NAV1: variants seen among roughly 807,000 people sequenced by gnomAD.
NAV1 encodes the protein pore membrane and/or filament interacting like protein 3.
A neutral mutation model predicts 175.2 loss-of-function variants in NAV1; 18 were observed. That is an observed-to-expected ratio of 0.10 (90% CI 0.07 to 0.15). The LOEUF (loss-of-function observed/expected upper bound fraction) is 0.15, where lower values mean the gene tolerates loss of function less well. Among genes scored for constraint, NAV1 ranks in the 10% least tolerant of loss-of-function variants. The pLI is 1.00. For missense variants in NAV1, 1,731 were observed against 2,436.6 expected, an observed-to-expected ratio of 0.71 and a Z score of 6.10; for synonymous variants, 897 against 978.7, an observed-to-expected ratio of 0.92 and a Z score of 1.56.
intron 1 of NAV1, among the ~76,000 whole-genome samples, chr1:201,664,193 T>C (rs1316084373): frequency 1.3e-5 from 2 of 152,024 alleles, no homozygotes; most frequent in Non-Finnish European, 2.9e-5. Context: ...ATACAAAAAT[T>C]TGCTGGGCGT....
chr1:201,767,405 T>A (rs1329045925), intron 3 of NAV1, among the ~76,000 whole-genome samples: 1 of 151,820 alleles, frequency 6.6e-6, no homozygotes, highest in Non-Finnish European at 1.5e-5. Context: ...GAGCCGAGAT[T>A]GCGCCATTGC....
At chr1:201,622,851 A>C (rs887251313), upstream of NAV1, 3 of 985,842 alleles carry the variant, frequency 3.0e-6, no homozygotes, top group African/African-American at 3.5e-5. Flanking sequence ...CTCTCCCTGC[A>C]GGACAGTAGC....
chr1:201,739,713 G>T, intron 3 of NAV1: 1 of 1,062,150 alleles, frequency 9.4e-7, no homozygotes, highest in Non-Finnish European at 1.2e-6. Context: ...CGGAACGGAG[G>T]AGGCTTCGGT....
chr1:201,714,038 G>A (rs574827941), intron 2 of NAV1, among the ~76,000 whole-genome samples: 144 of 152,292 alleles, frequency 9.5e-4, no homozygotes, highest in Non-Finnish European at 1.5e-3. Context: ...AGCCTCCCGA[G>A]TAGCTGGGAT....
chr1:201,653,981 CCCA>C (rs1334825020), intron 1 of NAV1, among the ~76,000 whole-genome samples: 3 of 152,218 alleles, frequency 2.0e-5, no homozygotes, highest in Non-Finnish European at 4.4e-5. Flanking sequence ...GGCTTGGGCC[CCCA>C]CCCAGGTCAT....
At chr1:201,642,645 C>T (rs1234779140) in intron 2 of NAV1, among the ~76,000 whole-genome samples, 1 of 146,656 alleles carries the variant, frequency 6.8e-6, no homozygotes, top group Non-Finnish European at 1.5e-5. Context: ...CTTCCTTCCT[C>T]CCTCGCTCCT....
chr1:201,576,472 G>A (rs2102183693), intron 1 of NAV1, among the ~76,000 whole-genome samples: 1 of 152,268 alleles, frequency 6.6e-6, no homozygotes, highest in South Asian at 2.1e-4. Context: ...TGGGGATGGT[G>A]GCATGTGCCT....
At chr1:201,617,794 G>T (rs952955673) in intron 2 of NAV1, among the ~76,000 whole-genome samples, 1 of 152,210 alleles carries the variant, frequency 6.6e-6, no homozygotes, top group Non-Finnish European at 1.5e-5. Flanking sequence ...TCCAGGAGAT[G>T]AGGGCCATTG....
At chr1:201,560,810 G>A (rs1377825190) in intron 1 of NAV1, among the ~76,000 whole-genome samples, 2 of 152,180 alleles carry the variant, frequency 1.3e-5, no homozygotes, top group Non-Finnish European at 2.9e-5. Context: ...GGGATCTGTG[G>A]ATCCTTGCCA....
chr1:201,616,855 C>T (rs1668017895), intron 2 of NAV1, among the ~76,000 whole-genome samples: 1 of 152,168 alleles, frequency 6.6e-6, no homozygotes. Context: ...TGTGTTTCTT[C>T]CCCACCAGAT....
At chr1:201,547,285 G>A (rs532786024) in intron 1 of NAV1, among the ~76,000 whole-genome samples, 2 of 152,150 alleles carry the variant, frequency 1.3e-5, no homozygotes, top group African/African-American at 2.4e-5. Context: ...CACCGCACCC[G>A]GCCAAACAAG....
intron 3 of NAV1, among the ~76,000 whole-genome samples, chr1:201,732,362 A>G (rs776141148): frequency 1.3e-5 from 2 of 152,106 alleles, no homozygotes; most frequent in African/African-American, 2.4e-5. Flanking sequence ...TAATTTTGGT[A>G]GAGGCAGGGT....
chr1:201,819,631 T>TG (rs1679273006), intron 29 of NAV1, among the ~76,000 whole-genome samples: 1 of 152,116 alleles, frequency 6.6e-6, no homozygotes, highest in Non-Finnish European at 1.5e-5. Context: ...CCACCACGCC[T>TG]GGCCAGTTTT....
intron 5 of NAV1, 149 bp downstream of exon 9, chr1:201,781,458 T>C (rs576323524): frequency 1.3e-5 from 10 of 778,398 alleles, no homozygotes; most frequent in Non-Finnish European, 1.9e-5. Context: ...GACAGTCCCG[T>C]GAGTTAGGAA....
At chr1:201,697,094 G>A (rs1217518595) in intron 1 of NAV1, among the ~76,000 whole-genome samples, 2 of 152,134 alleles carry the variant, frequency 1.3e-5, no homozygotes, top group Non-Finnish European at 2.9e-5. Flanking sequence ...CTCCCTTAAA[G>A]CTAACCTAGC....
intron 2 of NAV1, among the ~76,000 whole-genome samples, 115 bp downstream of exon 2, chr1:201,588,764 G>A (rs963133711): frequency 6.6e-6 from 1 of 152,140 alleles, no homozygotes; most frequent in African/African-American, 2.4e-5. Context: ...TGTTGATGGT[G>A]AAAATGTTTT....
chr1:201,645,338 G>A (rs866392704), upstream of NAV1, among the ~76,000 whole-genome samples: 75 of 146,326 alleles, frequency 5.1e-4, no homozygotes, highest in African/African-American at 1.7e-3. Context: ...ACTCACAGGT[G>A]GGAATTGAAC....
chr1:201,688,655 A>T (rs989422984), intron 1 of NAV1, among the ~76,000 whole-genome samples: 1 of 152,160 alleles, frequency 6.6e-6, no homozygotes. Flanking sequence ...CCCCCATCGA[A>T]AATAATTATT....
chr1:201,600,715 T>C (rs1265560870), intron 2 of NAV1, among the ~76,000 whole-genome samples: 1 of 151,476 alleles, frequency 6.6e-6, no homozygotes, highest in Non-Finnish European at 1.5e-5. Flanking sequence ...ATTTCAAGCC[T>C]GGGGAGGCTT....
Sources: allele counts gnomAD v4.1 joint callset (sites outside exome capture counted in the v4.1 genomes callset), GRCh38; gene constraint gnomAD v4.1.1; transcripts MANE v1.5; gene names NCBI Gene and HGNC (gene_info 2026-07-23, HGNC 2026-07-21).